PCDHA9: variants seen among roughly 807,000 people sequenced by gnomAD.
PCDHA9 encodes the protein protocadherin alpha 9.
A neutral mutation model predicts 62.0 loss-of-function variants in PCDHA9; 62 were observed. The ratio of observed to expected loss-of-function variants is 1.00; its 90% CI spans 0.81 to 1.23. The LOEUF (loss-of-function observed/expected upper bound fraction) is 1.23, where lower values mean the gene tolerates loss of function less well. PCDHA9 is among the 50% of genes most tolerant of loss of function. The probability of loss-of-function intolerance (pLI) is 0.00; values close to 1 mark genes in which losing one functional copy is unlikely to be tolerated. For missense variants in PCDHA9, 1,205 were observed against 1,249.8 expected, an observed-to-expected ratio of 0.96 and a Z score of 0.54; for synonymous variants, 557 against 567.6, an observed-to-expected ratio of 0.98 and a Z score of 0.27.
chr5:140,974,578 C>A (rs1554236214), intron 1 of PCDHA9, among the ~76,000 whole-genome samples: 1 of 152,170 alleles, frequency 6.6e-6, no homozygotes, highest in Non-Finnish European at 1.5e-5. Flanking sequence ...ATGGCATGAT[C>A]TTGGCTCACT....
intron 1 of PCDHA9, chr5:140,968,425 C>T (rs1195446919): frequency 6.2e-7 from 1 of 1,613,832 alleles, no homozygotes; most frequent in Non-Finnish European, 8.5e-7. Flanking sequence ...AGGCTCAGGA[C>T]AAGGGGAGCC....
At chr5:140,875,707 C>T in intron 1 of PCDHA9, 1 of 1,614,166 alleles carries the variant, frequency 6.2e-7, no homozygotes. Flanking sequence ...GGAGGTAAAT[C>T]TGCAGAATGG....
In PCDHA9 at chr5:141,011,583, A is replaced by G. The variant is rs2098421115; in HGVS notation, c.*1646A>G. On this transcript the variant is annotated 3_prime_UTR_variant, in exon 4 of 4. Transcript: ENST00000532602. ...AGTAAAATTTCTTTCTTAAATCAAG[A>G]TACTGGTGATTCAAGGAATTTTATT... is the stretch of plus-strand genomic sequence containing the variant. 1 of 153,656 alleles carries G rather than the reference A, an allele frequency of 6.5e-6. No individual in the cohort carries two copies. Among genetic ancestry groups the G allele is most frequent in the Admixed American group, 6.6e-5 (1 of 15,258 alleles). The allele number at this position is 153,656 out of a possible 1,614,324, so 9.5% of individuals were successfully genotyped here.
intron 1 of PCDHA9, among the ~76,000 whole-genome samples, chr5:140,890,695 A>T (rs1196447488): frequency 6.6e-6 from 1 of 152,200 alleles, no homozygotes; most frequent in Non-Finnish European, 1.5e-5. Context: ...AAATGCAGGG[A>T]CCTTACATTT....
intron 1 of PCDHA9, chr5:140,863,426 T>C: frequency 1.5e-6 from 1 of 661,760 alleles, no homozygotes; most frequent in Non-Finnish European, 2.7e-6. Context: ...CGCAGCGTAG[T>C]GGGATCTGGT....
At chr5:140,929,112 C>T in intron 1 of PCDHA9, 6 of 1,614,130 alleles carry the variant, frequency 3.7e-6, no homozygotes, top group Non-Finnish European at 5.1e-6. Context: ...TGACATCAGC[C>T]ACCATAGATG....
chr5:140,893,667 A>C (rs564806011), intron 1 of PCDHA9, among the ~76,000 whole-genome samples: 4 of 152,316 alleles, frequency 2.6e-5, no homozygotes, highest in African/African-American at 9.6e-5. Flanking sequence ...AAAAAATTTC[A>C]GCACTTTGGA....
At chr5:140,883,455 A>T in intron 1 of PCDHA9, 1 of 1,614,128 alleles carries the variant, frequency 6.2e-7, no homozygotes, top group East Asian at 2.2e-5. Flanking sequence ...GTCCCCTTCA[A>T]GCTGGTGTCC....
intron 1 of PCDHA9, among the ~76,000 whole-genome samples, chr5:140,917,545 C>G (rs1049973588): frequency 6.6e-6 from 1 of 152,212 alleles, no homozygotes; most frequent in Non-Finnish European, 1.5e-5. Flanking sequence ...TTAGGTTTTA[C>G]ATTTAACTCT....
At chr5:140,949,453 A>T (rs1284957540) in intron 1 of PCDHA9, among the ~76,000 whole-genome samples, 4 of 151,762 alleles carry the variant, frequency 2.6e-5, no homozygotes, top group African/African-American at 9.7e-5. Flanking sequence ...TGCTTCATGT[A>T]ATTTGAAGCC....
At chr5:140,871,033 C>G (rs201299652) in intron 1 of PCDHA9, 336 of 1,613,234 alleles carry the variant, frequency 2.1e-4, no homozygotes, top group Non-Finnish European at 2.7e-4. Flanking sequence ...CTCGCCGCGC[C>G]ACCGACTTCT....
chr5:140,992,681 G>A (rs575311513), intron 3 of PCDHA9, among the ~76,000 whole-genome samples: 2 of 152,286 alleles, frequency 1.3e-5, no homozygotes, highest in South Asian at 4.2e-4. Flanking sequence ...TGTGTGTTAG[G>A]GGTTGAGGGG....
At position 140,858,127 on chromosome 5, in the gene PCDHA9, T is replaced by C. The variant is rs782220285; in HGVS notation, c.2394+7238T>C. 41 of 1,597,502 alleles carry C rather than the reference T, an allele frequency of 2.6e-5. 1 individual carries two copies. The highest frequency in any genetic ancestry group is 1.7e-4 in the Admixed American group (10 of 59,294). ...TGGCGCCCGAGGTGGCCCTGGTGGATGTCAACGTGTACCTGATCATCGCCA... is the reference window on the plus strand; with the variant it reads ...TGGCGCCCGAGGTGGCCCTGGTGGACGTCAACGTGTACCTGATCATCGCCA... On this transcript the variant is annotated intron_variant, in intron 1 of 3. Coordinates refer to ENST00000532602, the MANE Select transcript of PCDHA9 (RefSeq NM_031857.2).
At chr5:140,898,961 G>A (rs1405112699) in intron 1 of PCDHA9, among the ~76,000 whole-genome samples, 1 of 152,036 alleles carries the variant, frequency 6.6e-6, no homozygotes, top group African/African-American at 2.4e-5. Flanking sequence ...AGTTGTGAAT[G>A]GGAGTTCACT....
chr5:140,852,883 G>GT, intron 1 of PCDHA9: 1 of 933,168 alleles, frequency 1.1e-6, no homozygotes, highest in Non-Finnish European at 1.3e-6. Context: ...ATCATAAAAC[G>GT]TATTTTTTTT....
chr5:140,882,136 A>T (rs2058967821), intron 1 of PCDHA9: 14 of 1,486,890 alleles, frequency 9.4e-6, no homozygotes, highest in Non-Finnish European at 1.3e-5. Context: ...TCCTGCAGAA[A>T]ATATAGCAGA....
intron 1 of PCDHA9, chr5:140,853,507 A>G (rs762597106): frequency 6.1e-6 from 6 of 977,198 alleles, no homozygotes; most frequent in South Asian, 4.8e-5. Context: ...TCATGAAACA[A>G]TAATGAAGCT....
intron 1 of PCDHA9, among the ~76,000 whole-genome samples, chr5:140,933,324 G>A (rs563163291): frequency 5.3e-5 from 8 of 151,904 alleles, no homozygotes; most frequent in Non-Finnish European, 1.2e-4. Context: ...GTATTCTCCT[G>A]TGCTGTAGAG....
chr5:140,874,152 T>C (rs1416330070), intron 1 of PCDHA9, among the ~76,000 whole-genome samples: 1 of 152,228 alleles, frequency 6.6e-6, no homozygotes, highest in African/African-American at 2.4e-5. Context: ...TGTAGAGCCA[T>C]TCTTGGTTAC....
Sources: allele counts gnomAD v4.1 joint callset (sites outside exome capture counted in the v4.1 genomes callset), GRCh38; gene constraint gnomAD v4.1.1; transcripts MANE v1.5; gene names NCBI Gene and HGNC (gene_info 2026-07-23, HGNC 2026-07-21).